Variants in CDC6 observed in about 807,000 individuals in gnomAD.
CDC6 encodes DNA replication factor CDC6.
CDC6 carries 46 observed loss-of-function variants against 60.2 expected under a neutral mutation model. The ratio of observed to expected loss-of-function variants is 0.76; its 90% CI spans 0.60 to 0.98. CDC6 has a LOEUF of 0.98. Among genes scored for constraint, CDC6 ranks in the 50% least tolerant of loss-of-function variants. The pLI, the probability that CDC6 is intolerant of heterozygous loss-of-function variation, is 0.00. For synonymous variants in CDC6, 210 were observed against 233.2 expected (o/e 0.90, Z 0.90); for missense variants, 596 against 652.9 (o/e 0.91, Z 0.95).
chr17:40,304,486 G>GT lies in CDC6; in HGVS notation c.*2486dup, dbSNP rs1481762098. ...AGGATCATAGGCTGCTTCACTTAGAGTAGTGGCAAAGATGCTGACCTACAT... is the reference window on the plus strand; with the variant it reads ...AGGATCATAGGCTGCTTCACTTAGAGTTAGTGGCAAAGATGCTGACCTACAT... On this transcript the variant is annotated 3_prime_UTR_variant, in exon 12 of 12. Transcript: ENST00000209728. 3 of 152,224 alleles carry GT rather than the reference G, an allele frequency of 2.0e-5. No individual in the cohort carries two copies. The highest frequency in any genetic ancestry group is 1.5e-5 in the Non-Finnish European group (1 of 68,058). 9.4% of individuals were successfully genotyped at this position (152,224 alleles called of 1,614,324 possible).
Position 40,289,504 on chromosome 17 carries a change from C to T in CDC6, c.84C>T (p.Asn28=). 1 of 1,613,998 alleles carries T rather than the reference C, an allele frequency of 6.2e-7. No homozygotes were observed. The highest frequency in any genetic ancestry group is 8.5e-7 in the Non-Finnish European group (1 of 1,179,954). The change falls in exon 2 of 12, where the codon AAC becomes AAT. Residue 28 remains asparagine (N), a synonymous_variant. Coordinates refer to ENST00000209728, the MANE Select transcript of CDC6 (RefSeq NM_001254.4). ...CTCGGGCATTGAACAAAGCTAAAAACTCCAGTGATGCCAAACTAGAACCAA... is the reference window on the plus strand; with the variant it reads ...CTCGGGCATTGAACAAAGCTAAAAATTCCAGTGATGCCAAACTAGAACCAA... ...KLSRALNKAK[N]SSDAKLEPTN...
chr17:40,293,587 G>A lies in CDC6; in HGVS notation c.792G>A (p.Met264Ile), dbSNP rs1367355755. 1 of 1,613,826 alleles carries A rather than the reference G, an allele frequency of 6.2e-7. No individual in the cohort carries two copies. Among genetic ancestry groups the A allele is most frequent in the Non-Finnish European group, 8.5e-7 (1 of 1,179,786 alleles). The change falls in exon 5 of 12, where the codon ATG becomes ATA. Residue 264 changes from methionine to isoleucine, a missense_variant. Coordinates refer to ENST00000209728, the MANE Select transcript of CDC6 (RefSeq NM_001254.4). ...CCAGGCCAGCTGGGAAGGACATGAT[G>A]AGGAAATTGGAAAAACATATGACTG... ...EVSRPAGKDMMRKLEKHMTAE... is the reference protein window; with the variant it reads ...EVSRPAGKDMIRKLEKHMTAE...
intron 4 of CDC6, among the ~76,000 whole-genome samples, chr17:40,292,610 G>T (rs943456334): frequency 6.6e-6 from 1 of 151,346 alleles, no homozygotes; most frequent in Non-Finnish European, 1.5e-5. Flanking sequence ...ACTCCAGCCT[G>T]GGTGACAGAG....
intron 9 of CDC6, among the ~76,000 whole-genome samples, chr17:40,300,348 C>G (rs767578506): frequency 2.0e-5 from 3 of 152,120 alleles, no homozygotes; most frequent in Non-Finnish European, 4.4e-5. Context: ...ATACTAGGAA[C>G]TAGCCTGGCA....
chr17:40,294,378 C>G lies in CDC6; in HGVS notation c.958C>G (p.Leu320Val), dbSNP rs763494471. The change falls in exon 7 of 12, where the codon CTG becomes GTG. Residue 320 changes from leucine (L) to valine (V), a missense_variant. Coordinates refer to ENST00000209728, the MANE Select transcript of CDC6 (RefSeq NM_001254.4). ...CTCCTCCTTAGGTATTGCTAATACC[C>G]TGGATCTCACAGATAGAATTCTACC... Reference protein sequence around the residue: ...HLVLIGIANTLDLTDRILPRL... With the variant: ...HLVLIGIANTVDLTDRILPRL... The G allele has an allele frequency of 1.2e-6, 2 of 1,608,860 alleles. No homozygotes were observed. The highest frequency in any genetic ancestry group is 1.7e-5 in the Admixed American group (1 of 59,974).
chr17:40,294,458 T>C lies in CDC6; in HGVS notation c.1038T>C (p.Tyr346=), dbSNP rs776667517. 2 of 1,614,004 alleles carry C rather than the reference T, an allele frequency of 1.2e-6. No homozygotes were observed. The highest frequency in any genetic ancestry group is 2.2e-5 in the South Asian group (2 of 91,086). ...CACAGCTGTTGAACTTCCCACCTTATACCAGAAATCAGATAGTCACTATTT... is the reference window on the plus strand; with the variant it reads ...CACAGCTGTTGAACTTCCCACCTTACACCAGAAATCAGATAGTCACTATTT... The part of the protein sequence containing the change: ...CKPQLLNFPP[Y]TRNQIVTILQ... The change falls in exon 7 of 12, where the codon TAT becomes TAC. Residue 346 remains tyrosine (Y), a synonymous_variant. Transcript: ENST00000209728.
At chr17:40,291,428 A>G in intron 3 of CDC6, 41 bp from the exon 4 acceptor site, 1 of 1,612,912 alleles carries the variant, frequency 6.2e-7, no homozygotes, top group Non-Finnish European at 8.5e-7. Flanking sequence ...CTTCTCATTC[A>G]CCTTCTGTTG....
chr17:40,301,493 G>A lies in CDC6; in HGVS notation c.1478G>A (p.Cys493Tyr), dbSNP rs1259109766. 1 of 1,614,058 alleles carries A rather than the reference G, an allele frequency of 6.2e-7. No homozygotes were observed. The highest frequency in any genetic ancestry group is 1.7e-5 in the Admixed American group (1 of 60,020). The change falls in exon 11 of 12, where the codon TGT becomes TAT. Residue 493 changes from cysteine to tyrosine, a missense_variant. Cys to Tyr is a radical substitution (Grantham distance 194, BLOSUM62 -2). Coordinates refer to ENST00000209728, the MANE Select transcript of CDC6 (RefSeq NM_001254.4). ...TTATATGAAGCCTACAGTAAAGTCT[G>A]TCGCAAACAGCAGGTGGCGGCTGTG... The part of the protein sequence containing the change: ...GKLYEAYSKV[C>Y]RKQQVAAVDQ...
rs186757212 is a variant in CDC6, at chr17:40,292,218, A to T, written c.660+550A>T. Among the ~76,000 whole-genome samples, 475 of 152,210 alleles carry T rather than the reference A, an allele frequency of 3.1e-3. 2 individuals are homozygous for T. Among genetic ancestry groups the T allele is most frequent in the African/African-American group, 0.011 (453 of 41,566 alleles). ...CACCCAGCTAATTTTTTGTAGAGACAGGGTTTCACCATGTTGCCCAGACTT... is the reference window on the plus strand; with the variant it reads ...CACCCAGCTAATTTTTTGTAGAGACTGGGTTTCACCATGTTGCCCAGACTT... On this transcript the variant is annotated intron_variant, in intron 4 of 11. Coordinates refer to ENST00000209728, the MANE Select transcript of CDC6 (RefSeq NM_001254.4).
rs754238827 is a variant in CDC6, at chr17:40,294,004, G to A, written c.891G>A (p.Leu297=). Residue 297 remains leucine, a synonymous_variant, in exon 6 of 12, where the codon TTG becomes TTA. Transcript: ENST00000209728. ...TGGACAGCAAAGGCCAGGATGTATT[G>A]TACACGCTATTTGAATGGCCATGGC... is the stretch of plus-strand genomic sequence containing the variant. ...DQLDSKGQDV[L]YTLFEWPWLS... 1.2e-6 allele frequency: 2 copies of A among 1,614,088 alleles called. No homozygotes were observed. Among genetic ancestry groups the A allele is most frequent in the South Asian group, 2.2e-5 (2 of 91,076 alleles).
Position 40,301,502 on chromosome 17 carries a change from A to G in CDC6, c.1487A>G (p.Gln496Arg). Residue 496 changes from glutamine (Q) to arginine (R), a missense_variant, in exon 11 of 12, where the codon CAG becomes CGG. Coordinates refer to ENST00000209728, the MANE Select transcript of CDC6 (RefSeq NM_001254.4). ...YEAYSKVCRK[Q>R]QVAAVDQSEC... ...GCCTACAGTAAAGTCTGTCGCAAACAGCAGGTGGCGGCTGTGGACCAGTCA... is the reference window on the plus strand; with the variant it reads ...GCCTACAGTAAAGTCTGTCGCAAACGGCAGGTGGCGGCTGTGGACCAGTCA... 4 of 1,614,036 alleles carry G rather than the reference A, an allele frequency of 2.5e-6. No homozygotes were observed. The highest frequency in any genetic ancestry group is 3.4e-6 in the Non-Finnish European group (4 of 1,179,856).
In CDC6 at chr17:40,303,497, G is replaced by T. The variant is rs956242025; in HGVS notation, c.*1496G>T. On this transcript the variant is annotated 3_prime_UTR_variant, in exon 12 of 12. Transcript: ENST00000209728. Reference sequence around the variant, plus strand: ...CCTGACCACTGTATCCGTGTAATGTGATCTGAGCTACAACAGGTGGTATGG... The same window carrying T: ...CCTGACCACTGTATCCGTGTAATGTTATCTGAGCTACAACAGGTGGTATGG... 6.6e-6 allele frequency: 1 copy of T among 152,254 alleles called. No individual in the cohort carries two copies. Among genetic ancestry groups the T allele is most frequent in the Non-Finnish European group, 1.5e-5 (1 of 68,074 alleles). The allele number at this position is 152,254 out of a possible 1,614,324, so 9.4% of individuals were successfully genotyped here.
At position 40,293,981 on chromosome 17, in the gene CDC6, G is replaced by C. The variant is rs780943114; in HGVS notation, c.868G>C (p.Asp290His). The C allele has an allele frequency of 6.2e-7, 1 of 1,614,012 alleles. No homozygotes were observed. Among genetic ancestry groups the C allele is most frequent in the Non-Finnish European group, 8.5e-7 (1 of 1,179,914 alleles). ...VLVLDEMDQLDSKGQDVLYTL... is the reference protein window; with the variant it reads ...VLVLDEMDQLHSKGQDVLYTL... ...GGTATTGGACGAGATGGATCAACTG[G>C]ACAGCAAAGGCCAGGATGTATTGTA... The change falls in exon 6 of 12, where the codon GAC (aspartate) becomes CAC (histidine). Residue 290 changes from aspartate to histidine, a missense_variant. By Grantham distance (81) the Asp-to-His change is moderately conservative. Transcript: ENST00000209728.
In CDC6 at chr17:40,300,836, C is replaced by T. The variant is rs748448453; in HGVS notation, c.1258C>T (p.Pro420Ser). 1.2e-6 allele frequency: 2 copies of T among 1,613,054 alleles called. No individual in the cohort carries two copies. Among genetic ancestry groups the T allele is most frequent in the African/African-American group, 2.7e-5 (2 of 74,888 alleles). The part of the protein sequence containing the change: ...ILKPLSECKS[P>S]SEPLIPKRVG... ...GCTTATTTACTTTATAGGTAAATCA[C>T]CTTCTGAGCCTCTGATTCCCAAGAG... is the stretch of plus-strand genomic sequence containing the variant. The change falls in exon 10 of 12, where the codon CCT becomes TCT. Residue 420 changes from proline (P) to serine (S), a missense_variant. Physicochemically the swap from Pro to Ser is moderately conservative, Grantham distance 74. Transcript: ENST00000209728.
In CDC6 at chr17:40,291,141, T is replaced by A; in HGVS notation, c.262T>A (p.Ser88Thr). Residue 88 changes from serine (S) to threonine (T), a missense_variant, in exon 3 of 12, where the codon TCA becomes ACA. Physicochemically the swap from Ser to Thr is moderately conservative, Grantham distance 58 (BLOSUM62 1). Coordinates refer to ENST00000209728, the MANE Select transcript of CDC6 (RefSeq NM_001254.4). ...QGKKENGPPH[S>T]HTLKGRRLVF... ...CAAGAAAGAGAATGGTCCCCCTCAC[T>A]CACATACACTTAAGGGACGAAGATT... 6.2e-7 allele frequency: 1 copy of A among 1,614,098 alleles called. No individual in the cohort carries two copies. The highest frequency in any genetic ancestry group is 1.1e-5 in the South Asian group (1 of 91,084).
intron 1 of CDC6, among the ~76,000 whole-genome samples, chr17:40,288,644 G>T (rs550661760): frequency 1.2e-3 from 185 of 150,584 alleles, no homozygotes; most frequent in African/African-American, 4.4e-3. Context: ...GAGTGCAGTG[G>T]CGCGATCTCG....
In CDC6 at chr17:40,302,172, G is replaced by A. The variant is rs999391251; in HGVS notation, c.*171G>A. The A allele has an allele frequency of 1.3e-5, 8 of 626,538 alleles. No homozygotes were observed. The African/African-American group carries it at 1.5e-4, about 12-fold the overall frequency. The allele number at this position is 626,538 out of a possible 1,614,324, so 38.8% of individuals were successfully genotyped here. ...AATATTAGCACAGAATAATATCTTT[G>A]GGTCTTACTATTTTTACCCATAAAA... On this transcript the variant is annotated 3_prime_UTR_variant, in exon 12 of 12. Transcript: ENST00000209728.
chr17:40,293,610 C>G lies in CDC6; in HGVS notation c.815C>G (p.Thr272Ser). ...ATGAGGAAATTGGAAAAACATATGA[C>G]TGCAGAGAAGGGCCCCATGATGTAA... ...DMMRKLEKHM[T>S]AEKGPMIVLV... The change falls in exon 5 of 12, where the codon ACT becomes AGT. Residue 272 changes from threonine to serine, a missense_variant. By Grantham distance (58) the Thr-to-Ser change is moderately conservative. Coordinates refer to ENST00000209728, the MANE Select transcript of CDC6 (RefSeq NM_001254.4). The G allele has an allele frequency of 6.2e-7, 1 of 1,613,388 alleles. No individual in the cohort carries two copies. The highest frequency in any genetic ancestry group is 8.5e-7 in the Non-Finnish European group (1 of 1,179,310).
rs2032847580 is a variant in CDC6 at position 40,295,652 on chromosome 17, A to G, written c.1184+196A>G. The G allele has an allele frequency of 2.2e-5, 13 of 597,122 alleles. No individual in the cohort carries two copies. The South Asian group carries it at 2.4e-4, about 11-fold the overall frequency. The allele number at this position is 597,122 out of a possible 1,614,324, so 37.0% of individuals were successfully genotyped here. A position where few individuals can be genotyped will look rare whatever the true frequency, so the allele number is the denominator to read the frequency against. On this transcript the variant is annotated intron_variant, in intron 8 of 11. Transcript: ENST00000209728. ...TTAATGTCTGAAACATTATCAGTCC[A>G]TTACCTACAGAGGGAGAAACAAATG... is the stretch of plus-strand genomic sequence containing the variant.
Sources: allele counts gnomAD v4.1 joint callset (sites outside exome capture counted in the v4.1 genomes callset), GRCh38; gene constraint gnomAD v4.1.1; transcripts MANE v1.5; gene names NCBI Gene and HGNC (gene_info 2026-07-23, HGNC 2026-07-21).